The following NCKAP5 variants were observed in gnomAD, a reference collection of about 807,000 sequenced individuals.
NCKAP5 encodes the protein NCK associated protein 5.
Under a neutral mutation model 167.0 loss-of-function variants are expected in NCKAP5, and 92 were observed. That is an observed-to-expected ratio of 0.55 (90% CI 0.47 to 0.66). The LOEUF (loss-of-function observed/expected upper bound fraction) is 0.66, where lower values mean the gene tolerates loss of function less well. Ranked by LOEUF, NCKAP5 falls within the 30% of genes least tolerant of loss-of-function variation. The pLI, the probability that NCKAP5 is intolerant of heterozygous loss-of-function variation, is 0.00. For synonymous variants in NCKAP5, 891 were observed against 877.4 expected (o/e 1.02, Z -0.27); for missense variants, 2,378 against 2,315.0 (o/e 1.03, Z -0.56).
intron 8 of NCKAP5, among the ~76,000 whole-genome samples, chr2:132,895,175 C>CAAAAAA (rs771335652): frequency 6.6e-6 from 1 of 151,542 alleles, no homozygotes; most frequent in Non-Finnish European, 1.5e-5. Context: ...ACTAAAAATA[C>CAAAAAA]AAAAAATTAG....
chr2:132,753,120 C>G (rs937616114), intron 16 of NCKAP5, among the ~76,000 whole-genome samples: 1 of 152,180 alleles, frequency 6.6e-6, no homozygotes. Context: ...TATCTGGGCA[C>G]CCGATGGCCC....
At chr2:133,090,181 A>G (rs2081124490) in intron 6 of NCKAP5, among the ~76,000 whole-genome samples, 1 of 151,540 alleles carries the variant, frequency 6.6e-6, no homozygotes, top group South Asian at 2.1e-4. Flanking sequence ...AACTGGGGCA[A>G]TACAGTGAGA....
intron 8 of NCKAP5, among the ~76,000 whole-genome samples, chr2:132,959,826 A>AT (rs1467548674): frequency 6.6e-6 from 1 of 152,194 alleles, no homozygotes; most frequent in Non-Finnish European, 1.5e-5. Context: ...TCTAAGTCAA[A>AT]TAAACAGTCT....
rs370328194 is a variant in NCKAP5 at position 132,688,143 on chromosome 2, C to T, written c.5714-14838G>A. On this transcript the variant is annotated intron_variant, in intron 19 of 19. Transcript: ENST00000409261. Reference sequence around the variant, plus strand: ...ATACCATTTTATAATCAATTTTAAGCGAGTCCCTAACAGAAGATAAGATGA... The same window carrying T: ...ATACCATTTTATAATCAATTTTAAGTGAGTCCCTAACAGAAGATAAGATGA... Among the ~76,000 whole-genome samples the T allele has an allele frequency of 3.2e-4, 49 of 152,114 alleles. No homozygotes were observed. The South Asian group carries it at 7.1e-3, about 22-fold the overall frequency.
chr2:133,407,101 A>G (rs1048344975), intron 3 of NCKAP5, among the ~76,000 whole-genome samples: 1 of 152,244 alleles, frequency 6.6e-6, no homozygotes, highest in African/African-American at 2.4e-5. Context: ...TTGAAAGCCC[A>G]TGAGCCTGAG....
At chr2:133,471,429 C>T (rs569664422) in intron 3 of NCKAP5, among the ~76,000 whole-genome samples, 1 of 152,164 alleles carries the variant, frequency 6.6e-6, no homozygotes, top group Non-Finnish European at 1.5e-5. Flanking sequence ...AATGACATTT[C>T]TCTCTTGCGA....
intron 19 of NCKAP5, among the ~76,000 whole-genome samples, chr2:132,708,773 T>A (rs1688586784): frequency 6.6e-6 from 1 of 152,240 alleles, no homozygotes; most frequent in Non-Finnish European, 1.5e-5. Flanking sequence ...ATTATATTGT[T>A]GTCTTCGTAT....
At chr2:133,167,858 A>G (rs998751609) in intron 5 of NCKAP5, among the ~76,000 whole-genome samples, 6 of 152,138 alleles carry the variant, frequency 3.9e-5, no homozygotes, top group Non-Finnish European at 8.8e-5. Flanking sequence ...CCCACTACAG[A>G]TTCCTGCTCC....
intron 6 of NCKAP5, among the ~76,000 whole-genome samples, chr2:133,011,405 A>G (rs2149362229): frequency 6.6e-6 from 1 of 152,376 alleles, no homozygotes; most frequent in South Asian, 2.1e-4. Flanking sequence ...AGAAGAGCAG[A>G]TTTAATTGTA....
chr2:133,386,742 G>C (rs1686998546), intron 3 of NCKAP5, among the ~76,000 whole-genome samples: 1 of 152,196 alleles, frequency 6.6e-6, no homozygotes, highest in South Asian at 2.1e-4. Flanking sequence ...TGTATTGGGT[G>C]CATATGTATT....
At chr2:133,627,058 C>G in the NCKAP5 span, among the ~76,000 whole-genome samples, 1 of 151,610 alleles carries the variant, frequency 6.6e-6, no homozygotes, top group Non-Finnish European at 1.5e-5. Context: ...ATCTTAAAAT[C>G]AATAAAATAA....
intron 3 of NCKAP5, among the ~76,000 whole-genome samples, chr2:133,451,528 G>A (rs895274906): frequency 2.0e-5 from 3 of 152,088 alleles, no homozygotes; most frequent in South Asian, 2.1e-4. Flanking sequence ...TGCCACACAC[G>A]GCCATGCAAC....
At chr2:133,424,161 A>G (rs1689647910) in intron 3 of NCKAP5, among the ~76,000 whole-genome samples, 1 of 152,180 alleles carries the variant, frequency 6.6e-6, no homozygotes, top group Non-Finnish European at 1.5e-5. Flanking sequence ...ACCAAAACTC[A>G]TAGGTGTCAG....
chr2:133,471,903 A>T (rs1328439129), intron 3 of NCKAP5, among the ~76,000 whole-genome samples: 1 of 152,190 alleles, frequency 6.6e-6, no homozygotes, highest in Non-Finnish European at 1.5e-5. Context: ...ACCATATGTT[A>T]TGCTTTAGTT....
intron 4 of NCKAP5, among the ~76,000 whole-genome samples, chr2:133,219,412 T>C (rs1362052745): frequency 1.3e-5 from 2 of 152,184 alleles, no homozygotes; most frequent in Non-Finnish European, 2.9e-5. Flanking sequence ...TTTTAAGACA[T>C]TTATGCAGGA....
At chr2:132,789,313 A>T (rs1427073261) in intron 13 of NCKAP5, among the ~76,000 whole-genome samples, 1 of 152,132 alleles carries the variant, frequency 6.6e-6, no homozygotes, top group Non-Finnish European at 1.5e-5. Flanking sequence ...AGCACCTAAC[A>T]ACTCCTTAGA....
At chr2:133,473,129 C>A (rs559561170) in intron 3 of NCKAP5, among the ~76,000 whole-genome samples, 2 of 152,062 alleles carry the variant, frequency 1.3e-5, no homozygotes, top group Non-Finnish European at 2.9e-5. Context: ...GTCAGGAGAT[C>A]GAGACCATCC....
intron 3 of NCKAP5, among the ~76,000 whole-genome samples, chr2:133,440,457 T>C (rs1222987293): frequency 2.6e-5 from 4 of 152,104 alleles, no homozygotes; most frequent in Admixed American, 2.6e-4. Flanking sequence ...ACACCTGTAA[T>C]CCCAGCACTT....
intron 8 of NCKAP5, among the ~76,000 whole-genome samples, chr2:132,892,789 G>C (rs1692816880): frequency 6.6e-6 from 1 of 152,074 alleles, no homozygotes; most frequent in Non-Finnish European, 1.5e-5. Flanking sequence ...TGCAGAGATA[G>C]TTTATTTATA....
Sources: gnomAD v4.1 joint callset for allele counts (sites outside exome capture counted in the v4.1 genomes callset) on GRCh38, gnomAD v4.1.1 for gene constraint, MANE v1.5 for transcripts, NCBI Gene and HGNC (gene_info 2026-07-23, HGNC 2026-07-21) for gene names.